The following ZBTB38 variants were observed in gnomAD, a reference collection of about 807,000 sequenced individuals.
ZBTB38 encodes the protein zinc finger and BTB domain containing 38.
A neutral mutation model predicts 76.8 loss-of-function variants in ZBTB38; 20 were observed. The observed-to-expected ratio is 0.26, with a 90% confidence interval of 0.18 to 0.38. The LOEUF is 0.38. Ranked by LOEUF, ZBTB38 falls within the 10% of genes least tolerant of loss-of-function variation. ZBTB38 has a pLI of 1.00. For missense variants in ZBTB38, 1,082 were observed against 1,482.3 expected (o/e 0.73, Z 4.43); for synonymous variants, 504 against 544.2 (o/e 0.93, Z 1.03).
At chr3:141,344,518 GCCA>G (rs1397110522) in intron 1 of ZBTB38, among the ~76,000 whole-genome samples, 1 of 152,166 alleles carries the variant, frequency 6.6e-6, no homozygotes, top group Non-Finnish European at 1.5e-5. Flanking sequence ...ACAGGCACAT[GCCA>G]CCACACCTGG....
At chr3:141,374,093 G>A (rs1471615960) in intron 2 of ZBTB38, among the ~76,000 whole-genome samples, 1 of 150,266 alleles carries the variant, frequency 6.7e-6, no homozygotes, top group Non-Finnish European at 1.5e-5. Context: ...CTGGGCCACT[G>A]TACTCCAGCC....
chr3:141,369,821 T>C (rs1347063358), intron 1 of ZBTB38, 51 bp from the exon 2 acceptor site: 1 of 152,214 alleles, frequency 6.6e-6, no homozygotes, highest in Non-Finnish European at 1.5e-5. Context: ...CACTAAAATA[T>C]CTGTTTTATA....
upstream of ZBTB38, chr3:141,368,285 G>A (rs2148978300): frequency 6.5e-6 from 1 of 152,904 alleles, no homozygotes. Context: ...TCCGGAAGTA[G>A]GAAGGGCGGC....
At chr3:141,382,832 T>C (rs1946391584) in intron 3 of ZBTB38, among the ~76,000 whole-genome samples, 2 of 152,168 alleles carry the variant, frequency 1.3e-5, no homozygotes, top group African/African-American at 4.8e-5. Flanking sequence ...TCCAAGGAGA[T>C]AGAGTCCTCT....
chr3:141,425,542 G>A (rs1254521887), intron 5 of ZBTB38, among the ~76,000 whole-genome samples: 1 of 152,212 alleles, frequency 6.6e-6, no homozygotes, highest in African/African-American at 2.4e-5. Context: ...TCTTCTGGCA[G>A]GCACTGCAGC....
chr3:141,443,637 CA>C lies in ZBTB38; in HGVS notation c.1253del (p.Asn418MetfsTer53). ...RFLENYPTIG[Q>X]NGGSFTGPEP... ...TTTAGAAAACTATCCTACCATTGGA[CA>C]AAATGGAGGTTCATTCACAGGTCCA... On this transcript the variant is annotated frameshift_variant, in exon 6 of 6. Coordinates refer to ENST00000321464, the MANE Select transcript of ZBTB38 (RefSeq NM_001376113.1). LOFTEE classifies it high-confidence loss of function. The surrounding 1 kb of genome is among the most constrained non-coding windows in gnomAD (Gnocchi z 5.6). 1 of 1,614,196 alleles carries C rather than the reference CA, an allele frequency of 6.2e-7. No individual in the cohort carries two copies. The highest frequency in any genetic ancestry group is 8.5e-7 in the Non-Finnish European group (1 of 1,180,040).
intron 5 of ZBTB38, among the ~76,000 whole-genome samples, chr3:141,410,230 T>C (rs886804865): frequency 3.3e-5 from 5 of 152,228 alleles, no homozygotes; most frequent in Non-Finnish European, 7.3e-5. Context: ...CTTTGGGTTC[T>C]GCCTTTAACC....
At chr3:141,418,603 G>C (rs929291073) in intron 5 of ZBTB38, among the ~76,000 whole-genome samples, 3 of 152,216 alleles carry the variant, frequency 2.0e-5, no homozygotes, top group Non-Finnish European at 2.9e-5. Flanking sequence ...AGGCCAAGGA[G>C]AGGAAATCAT....
chr3:141,429,408 T>G (rs1482797097), intron 5 of ZBTB38, among the ~76,000 whole-genome samples: 5 of 151,706 alleles, frequency 3.3e-5, no homozygotes, highest in African/African-American at 4.8e-5. Context: ...CTTGCTTTTT[T>G]GGGGATCGTG....
intron 5 of ZBTB38, among the ~76,000 whole-genome samples, chr3:141,407,768 T>C (rs1361156182): frequency 2.0e-5 from 3 of 152,258 alleles, no homozygotes; most frequent in African/African-American, 7.2e-5. Flanking sequence ...GAGGAAGAGA[T>C]AAACCTGAGA....
rs1408254598 is a variant in ZBTB38 at position 141,417,824 on chromosome 3, G to A, written c.-1+13793G>A. Reference sequence around the variant, plus strand: ...GAGGTCAAGAGATGGAGACCACCCTGACCAACCTGGTGAAACCCCATCTCT... The same window carrying A: ...GAGGTCAAGAGATGGAGACCACCCTAACCAACCTGGTGAAACCCCATCTCT... On this transcript the variant is annotated intron_variant, in intron 5 of 5. Transcript: ENST00000321464. Among the ~76,000 whole-genome samples, 6 of 152,200 alleles carry A rather than the reference G, an allele frequency of 3.9e-5. No individual in the cohort carries two copies. In the East Asian group the frequency reaches 1.2e-3, roughly 29 times the overall value.
chr3:141,350,833 G>A (rs555611355), intron 1 of ZBTB38, among the ~76,000 whole-genome samples: 2 of 152,246 alleles, frequency 1.3e-5, no homozygotes, highest in South Asian at 2.1e-4. Context: ...CTGTTGGTAA[G>A]AACATTCCTT....
rs1275798752 is a variant in ZBTB38 at position 141,447,971 on chromosome 3, A to G, written c.*1995A>G. The G allele has an allele frequency of 6.6e-6, 1 of 152,652 alleles. No individual in the cohort carries two copies. The highest frequency in any genetic ancestry group is 1.5e-5 in the Non-Finnish European group (1 of 68,040). 9.5% of individuals were successfully genotyped at this position (152,652 alleles called of 1,614,324 possible). On this transcript the variant is annotated 3_prime_UTR_variant, in exon 6 of 6. Coordinates refer to ENST00000321464, the MANE Select transcript of ZBTB38 (RefSeq NM_001376113.1). Reference sequence around the variant, plus strand: ...TATACATTGTATATATGTACACCCTACACTATTCATTTGGGTTTTATTAAA... The same window carrying G: ...TATACATTGTATATATGTACACCCTGCACTATTCATTTGGGTTTTATTAAA...
In ZBTB38 at chr3:141,413,032, C is replaced by G. The variant is rs1194510703; in HGVS notation, c.-1+9001C>G. On this transcript the variant is annotated intron_variant, in intron 5 of 5. Coordinates refer to ENST00000321464, the MANE Select transcript of ZBTB38 (RefSeq NM_001376113.1). The surrounding 1 kb of genome is among the most constrained non-coding windows in gnomAD (Gnocchi z 4.1). Reference sequence around the variant, plus strand: ...CTGTGCTGCCAGGCCTGGCCTCCCTCCAGAGGTCGTAGTGTTGCCAGCAGT... The same window carrying G: ...CTGTGCTGCCAGGCCTGGCCTCCCTGCAGAGGTCGTAGTGTTGCCAGCAGT... Among the ~76,000 whole-genome samples, 2 of 152,218 alleles carry G rather than the reference C, an allele frequency of 1.3e-5. No homozygotes were observed. Among genetic ancestry groups the G allele is most frequent in the Non-Finnish European group, 2.9e-5 (2 of 68,044 alleles).
intron 4 of ZBTB38, among the ~76,000 whole-genome samples, chr3:141,391,186 T>C (rs1217949217): frequency 6.6e-6 from 1 of 151,886 alleles, no homozygotes; most frequent in Non-Finnish European, 1.5e-5. Context: ...TTAAAAAAAA[T>C]AAAATAAGTG....
At chr3:141,435,124 C>G (rs1441557564) in intron 5 of ZBTB38, among the ~76,000 whole-genome samples, 2 of 151,982 alleles carry the variant, frequency 1.3e-5, no homozygotes, top group Non-Finnish European at 2.9e-5. Context: ...CGACAGCACT[C>G]CAGCCTGGGT....
At chr3:141,386,204 T>C (rs915526323) in intron 3 of ZBTB38, 5 of 152,240 alleles carry the variant, frequency 3.3e-5, no homozygotes, top group African/African-American at 1.2e-4. Context: ...GTCTTAGTAT[T>C]ATTTAGGTCA....
chr3:141,361,181 C>T (rs1943814906), intron 1 of ZBTB38, among the ~76,000 whole-genome samples: 1 of 152,130 alleles, frequency 6.6e-6, no homozygotes, highest in South Asian at 2.1e-4. Flanking sequence ...TACCACGAAG[C>T]ATGAAGAGTT....
At chr3:141,342,901 G>A (rs1943240462) in intron 1 of ZBTB38, among the ~76,000 whole-genome samples, 1 of 151,932 alleles carries the variant, frequency 6.6e-6, no homozygotes, top group African/African-American at 2.4e-5. Context: ...GGTCTTTTAA[G>A]CTAGGGGTGG....
Sources: allele counts gnomAD v4.1 joint callset (sites outside exome capture counted in the v4.1 genomes callset), GRCh38; gene constraint gnomAD v4.1.1; non-coding constraint Gnocchi (gnomAD v3.1); transcripts MANE v1.5; gene names NCBI Gene and HGNC (gene_info 2026-07-23, HGNC 2026-07-21).